Variants in KIAA0930 observed in about 807,000 individuals in gnomAD.
The protein encoded by KIAA0930 is KIAA0930.
KIAA0930 carries 24 observed loss-of-function variants against 43.9 expected under a neutral mutation model. The observed-to-expected ratio is 0.55, with a 90% CI of 0.40 to 0.77. The LOEUF (loss-of-function observed/expected upper bound fraction) is 0.77, where lower values mean the gene tolerates loss of function less well. KIAA0930 is among the 30% of genes least tolerant of loss of function. KIAA0930 has a pLI of 0.00. For synonymous variants in KIAA0930, 259 were observed against 216.4 expected (o/e 1.20, Z -1.73); for missense variants, 461 against 574.2 (o/e 0.80, Z 2.02).
At chr22:45,199,674 G>A (rs922247617) in intron 8 of KIAA0930, among the ~76,000 whole-genome samples, 199 bp downstream of exon 8, 22 of 152,174 alleles carry the variant, frequency 1.4e-4, no homozygotes, top group Non-Finnish European at 1.9e-4. Flanking sequence ...CCACCAGGAC[G>A]GGACCCCCAG....
chr22:45,225,860 T>A (rs528242804), intron 1 of KIAA0930, among the ~76,000 whole-genome samples: 3 of 152,248 alleles, frequency 2.0e-5, no homozygotes, highest in African/African-American at 7.2e-5. Flanking sequence ...ATTCCCTTCA[T>A]TGATCTGATG....
intron 1 of KIAA0930, 66 bp from the exon 2 acceptor site, chr22:45,212,173 G>A (rs758274037): frequency 3.7e-6 from 6 of 1,613,482 alleles, no homozygotes; most frequent in Non-Finnish European, 5.1e-6. Context: ...CATGGCCTTG[G>A]CCAAGCTGCG....
rs778608634 is a variant in KIAA0930 at position 45,202,958 on chromosome 22, G to C, written c.852+32C>G. The C allele has an allele frequency of 4.2e-5, 65 of 1,548,380 alleles. No homozygotes were observed. The Admixed American group carries it at 5.6e-4, about 13-fold the overall frequency. On this transcript the variant is annotated intron_variant, in intron 7 of 9. Coordinates refer to ENST00000336156, the MANE Select transcript of KIAA0930 (RefSeq NM_001009880.2). ...CGGTGGAAAGTGAACTTGACGGATG[G>C]GAGCCCCCGCCCCCAGCTGTGCAGC...
At chr22:45,222,413 G>A (rs929242920) in intron 1 of KIAA0930, among the ~76,000 whole-genome samples, 1 of 152,152 alleles carries the variant, frequency 6.6e-6, no homozygotes, top group Middle Eastern at 3.2e-3. Context: ...AGGCTCAAGT[G>A]ATCCTCCCAC....
chr22:45,212,617 C>A (rs1464535867), intron 1 of KIAA0930: 5 of 1,308,332 alleles, frequency 3.8e-6, no homozygotes, highest in Non-Finnish European at 4.9e-6. Flanking sequence ...CAAGCGGGAA[C>A]CGCAGGGAGA....
intron 1 of KIAA0930, chr22:45,213,630 A>C: frequency 2.5e-6 from 1 of 402,102 alleles, no homozygotes; most frequent in South Asian, 3.5e-5. Flanking sequence ...ATAAACTTCA[A>C]TTCTTTTTTA....
chr22:45,200,194 G>T, intron 7 of KIAA0930, 159 bp from the exon 8 acceptor site: 1 of 630,562 alleles, frequency 1.6e-6, no homozygotes. Flanking sequence ...GTGCTAGGTG[G>T]GGCCTAGAGA....
chr22:45,225,468 G>A (rs2147759372), intron 1 of KIAA0930, among the ~76,000 whole-genome samples: 1 of 152,284 alleles, frequency 6.6e-6, no homozygotes, highest in Non-Finnish European at 1.5e-5. Context: ...TCCCTTACCA[G>A]GCAAGCCAGG....
In KIAA0930 at chr22:45,197,720, G is replaced by C. The variant is rs543198961; in HGVS notation, c.1174+70C>G. 1.6e-3 allele frequency: 2,487 copies of C among 1,555,654 alleles called. 1 individual carries two copies. The highest frequency in any genetic ancestry group is 2.1e-3 in the Non-Finnish European group (2,331 of 1,132,818). On this transcript the variant is annotated intron_variant, in intron 9 of 9. Transcript: ENST00000336156. ...CGGGATGACTCCGGGTGGCTCACAA[G>C]TACCAAGGCCCTGGAGGCAGAGCTG...
chr22:45,229,249 AACC>A (rs1301594690), intron 1 of KIAA0930, among the ~76,000 whole-genome samples: 4 of 22,168 alleles, frequency 1.8e-4, no homozygotes, highest in Admixed American at 5.2e-4. Context: ...TCCACCCCCC[AACC>A]ACCACTCACT....
chr22:45,192,911 G>A lies in KIAA0930; in HGVS notation c.*4265C>T, dbSNP rs886878360. 1 of 148,922 alleles carries A rather than the reference G, an allele frequency of 6.7e-6. No individual in the cohort carries two copies. The highest frequency in any genetic ancestry group is 1.5e-5 in the Non-Finnish European group (1 of 65,940). 9.2% of individuals were successfully genotyped at this position (148,922 alleles called of 1,614,324 possible). On this transcript the variant is annotated 3_prime_UTR_variant, in exon 10 of 10. Transcript: ENST00000336156. ...TTGCCACTGAGGATCAAGCCAGCCA[G>A]TGAAAAAGAAAAAACAAAAGCCCCA...
intron 1 of KIAA0930, among the ~76,000 whole-genome samples, chr22:45,216,739 T>C (rs1234130548): frequency 6.6e-6 from 1 of 152,084 alleles, no homozygotes; most frequent in Admixed American, 6.6e-5. Context: ...CCCTACCGTC[T>C]TGCCAGTCAG....
chr22:45,210,204 G>C (rs113586060), intron 2 of KIAA0930, among the ~76,000 whole-genome samples: 75 of 152,302 alleles, frequency 4.9e-4, no homozygotes, highest in African/African-American at 1.7e-3. Flanking sequence ...ACCAACATTT[G>C]GGGGTGGGAG....
intron 1 of KIAA0930, among the ~76,000 whole-genome samples, chr22:45,218,649 C>T (rs1443099632): frequency 1.3e-5 from 2 of 152,110 alleles, no homozygotes; most frequent in African/African-American, 2.4e-5. Context: ...GAGACACAAA[C>T]CCAGCCCCTC....
At position 45,194,590 on chromosome 22, in the gene KIAA0930, G is replaced by A. The variant is rs1445847119; in HGVS notation, c.*2586C>T. On this transcript the variant is annotated 3_prime_UTR_variant, in exon 10 of 10. Transcript: ENST00000336156. ...CAAATGTGCCAACACCAGGACTTTG[G>A]GGACCCTGGTTCTGGCCCTGCCACT... 1 of 152,202 alleles carries A rather than the reference G, an allele frequency of 6.6e-6. No individual in the cohort carries two copies. The highest frequency in any genetic ancestry group is 2.4e-5 in the African/African-American group (1 of 41,454). The allele number at this position is 152,202 out of a possible 1,614,324, so 9.4% of individuals were successfully genotyped here.
chr22:45,205,341 G>A, intron 4 of KIAA0930, 23 bp from the exon 5 acceptor site: 1 of 1,595,872 alleles, frequency 6.3e-7, no homozygotes, highest in Non-Finnish European at 8.6e-7. Flanking sequence ...AGATTTGGAG[G>A]ACAAGTGAGG....
chr22:45,224,022 GAA>G (rs2083783662), intron 1 of KIAA0930, among the ~76,000 whole-genome samples: 1 of 152,156 alleles, frequency 6.6e-6, no homozygotes, highest in Admixed American at 6.5e-5. Context: ...CTATGAAGGA[GAA>G]AGACTCAGTG....
chr22:45,222,253 C>G (rs892737601), intron 1 of KIAA0930, among the ~76,000 whole-genome samples: 3 of 152,096 alleles, frequency 2.0e-5, no homozygotes, highest in Admixed American at 6.5e-5. Context: ...GAGGGAGAAG[C>G]CTTTCTAAGG....
intron 1 of KIAA0930, among the ~76,000 whole-genome samples, chr22:45,229,976 A>G (rs2083842018): frequency 6.6e-6 from 1 of 152,206 alleles, no homozygotes; most frequent in Non-Finnish European, 1.5e-5. Context: ...GGCACCTGTA[A>G]TCTCAGCTAC....
Sources: allele counts gnomAD v4.1 joint callset (sites outside exome capture counted in the v4.1 genomes callset), GRCh38; gene constraint gnomAD v4.1.1; transcripts MANE v1.5; gene names NCBI Gene and HGNC (gene_info 2026-07-23, HGNC 2026-07-21).